Variants in SCRN3 observed in about 807,000 individuals in gnomAD.
SCRN3 encodes the protein secernin-3.
In SCRN3, 39 loss-of-function variants were observed where a neutral mutation model predicts 43.1. That is an observed-to-expected ratio of 0.91 (90% CI 0.70 to 1.18). The LOEUF (loss-of-function observed/expected upper bound fraction) is 1.18, where lower values mean the gene tolerates loss of function less well. Among genes scored for constraint, SCRN3 ranks in the 50% most tolerant of loss-of-function variants. SCRN3 has a pLI of 0.00. For synonymous variants in SCRN3, 147 were observed against 163.1 expected (o/e 0.90, Z 0.75); for missense variants, 484 against 498.0 (o/e 0.97, Z 0.27).
chr2:174,396,309 G>T (rs749630665), intron 1 of SCRN3: 62 of 986,884 alleles, frequency 6.3e-5, no homozygotes, highest in Non-Finnish European at 7.2e-5. Flanking sequence ...ATCTCTCAAG[G>T]CTTCACCTCC....
chr2:174,427,345 TA>T (rs1306328437), intron 7 of SCRN3, among the ~76,000 whole-genome samples: 1 of 152,210 alleles, frequency 6.6e-6, no homozygotes, highest in Non-Finnish European at 1.5e-5. Context: ...ATATTGGTTT[TA>T]AATGTAAAAG....
chr2:174,426,361 A>C (rs1434018217), intron 7 of SCRN3, among the ~76,000 whole-genome samples: 1 of 152,174 alleles, frequency 6.6e-6, no homozygotes, highest in Non-Finnish European at 1.5e-5. Context: ...TTTTTTTCCC[A>C]CTAATATGAA....
rs1480288645 is a variant in SCRN3 at position 174,401,030 on chromosome 2, A to G, written c.382A>G (p.Asn128Asp). ...AGCTGATACAGCTGAAAAAGCCCTCAATGTCATTGTTGACTTACTAGAAAA... is the reference window on the plus strand; with the variant it reads ...AGCTGATACAGCTGAAAAAGCCCTCGATGTCATTGTTGACTTACTAGAAAA... ...ERADTAEKAL[N>D]VIVDLLEKYG... The change falls in exon 4 of 8, where the codon AAT (asparagine) becomes GAT (aspartate). Residue 128 changes from asparagine (N) to aspartate (D), a missense_variant. By Grantham distance (23) the Asn-to-Asp change is conservative. Transcript: ENST00000272732. The G allele has an allele frequency of 1.2e-6, 2 of 1,613,702 alleles. No homozygotes were observed. The highest frequency in any genetic ancestry group is 3.3e-5 in the Admixed American group (2 of 59,898).
chr2:174,398,205 G>A (rs1476719507), intron 1 of SCRN3, 70 bp from the exon 2 acceptor site: 6 of 912,312 alleles, frequency 6.6e-6, no homozygotes, highest in Non-Finnish European at 7.9e-6. Flanking sequence ...TTTGGTCATT[G>A]AGTAAAACTC....
intron 3 of SCRN3, 92 bp from the exon 4 acceptor site, chr2:174,400,898 C>A: frequency 9.1e-7 from 1 of 1,096,456 alleles, no homozygotes; most frequent in Non-Finnish European, 1.3e-6. Flanking sequence ...AGAAATTTTA[C>A]TTTGAATCTA....
intron 5 of SCRN3, among the ~76,000 whole-genome samples, chr2:174,422,185 G>A (rs898144988): frequency 6.6e-6 from 1 of 152,128 alleles, no homozygotes; most frequent in Non-Finnish European, 1.5e-5. Context: ...TGGCACTTTG[G>A]GAGGCTGATG....
chr2:174,426,756 A>G (rs1239736395), intron 7 of SCRN3, among the ~76,000 whole-genome samples: 2 of 151,516 alleles, frequency 1.3e-5, no homozygotes, highest in Non-Finnish European at 2.9e-5. Flanking sequence ...TGGGCGACAG[A>G]ATGAGACTCC....
chr2:174,397,658 T>C (rs549983739), intron 1 of SCRN3, among the ~76,000 whole-genome samples: 2 of 152,260 alleles, frequency 1.3e-5, no homozygotes, highest in South Asian at 4.1e-4. Flanking sequence ...GCAAAGAGAA[T>C]ATAAAGATTA....
intron 5 of SCRN3, among the ~76,000 whole-genome samples, chr2:174,422,266 A>G (rs1686317108): frequency 1.3e-5 from 2 of 152,244 alleles, no homozygotes; most frequent in African/African-American, 4.8e-5. Context: ...ATCTCTACAG[A>G]AAAATTTTAA....
rs182750320 is a variant in SCRN3, at chr2:174,400,884, T to G, written c.342-106T>G. ...TTAGATGTCATTTCATCTGTTAACT[T>G]GGAAGAAATTTTACTTTGAATCTAA... On this transcript the variant is annotated intron_variant, in intron 3 of 7. Coordinates refer to ENST00000272732, the MANE Select transcript of SCRN3 (RefSeq NM_024583.5). 729 of 961,530 alleles carry G rather than the reference T, an allele frequency of 7.6e-4. 3 individuals are homozygous for G. In the Admixed American group the frequency reaches 0.013, roughly 16 times the overall value. The allele number at this position is 961,530 out of a possible 1,614,324, so 59.6% of individuals were successfully genotyped here. A position where few individuals can be genotyped will look rare whatever the true frequency, so the allele number is the denominator to read the frequency against.
At position 174,398,291 on chromosome 2, in the gene SCRN3, C is replaced by G. The variant is rs1194168137; in HGVS notation, c.8C>G (p.Pro3Arg). 1 of 1,565,844 alleles carries G rather than the reference C, an allele frequency of 6.4e-7. No individual in the cohort carries two copies. The highest frequency in any genetic ancestry group is 1.4e-5 in the African/African-American group (1 of 71,686). MEPFSCDTFVALP... is the reference protein window; with the variant it reads MERFSCDTFVALP... Reference sequence around the variant, plus strand: ...AATTTTTAGTTAAAAAAAATGGAACCTTTTTCCTGTGACACTTTCGTGGCA... The same window carrying G: ...AATTTTTAGTTAAAAAAAATGGAACGTTTTTCCTGTGACACTTTCGTGGCA... The change falls in exon 2 of 8, where the codon CCT becomes CGT. Residue 3 changes from proline to arginine, a missense_variant. Physicochemically the swap from Pro to Arg is moderately radical, Grantham distance 103. Transcript: ENST00000272732.
At chr2:174,396,122 C>A in intron 1 of SCRN3, 1 of 967,150 alleles carries the variant, frequency 1.0e-6, no homozygotes, top group Non-Finnish European at 1.3e-6. Context: ...TGCGAGAATC[C>A]AACAATATGA....
intron 7 of SCRN3, among the ~76,000 whole-genome samples, chr2:174,425,743 AT>A (rs1478817977): frequency 2.0e-5 from 3 of 152,172 alleles, no homozygotes; most frequent in Non-Finnish European, 2.9e-5. Context: ...TAAGATGTCG[AT>A]TGACAACTTA....
chr2:174,403,632 A>G (rs561188486), intron 4 of SCRN3, among the ~76,000 whole-genome samples: 10 of 152,320 alleles, frequency 6.6e-5, no homozygotes, highest in South Asian at 4.1e-4. Context: ...TTTATATAAC[A>G]TTCTTGAAAT....
At chr2:174,409,680 C>G (rs979172610) in intron 5 of SCRN3, among the ~76,000 whole-genome samples, 9 of 137,744 alleles carry the variant, frequency 6.5e-5, no homozygotes, top group Non-Finnish European at 9.7e-5. Flanking sequence ...TTCTAACAGA[C>G]AGGACCCTCA....
At chr2:174,411,553 G>A (rs1685917151) in intron 5 of SCRN3, among the ~76,000 whole-genome samples, 1 of 152,098 alleles carries the variant, frequency 6.6e-6, no homozygotes, top group Non-Finnish European at 1.5e-5. Context: ...GGTTCGTTCT[G>A]TATAACTCCC....
At position 174,401,762 on chromosome 2, in the gene SCRN3, T is replaced by A. The variant is rs1353043577; in HGVS notation, c.541+573T>A. On this transcript the variant is annotated intron_variant, in intron 4 of 7. Coordinates refer to ENST00000272732, the MANE Select transcript of SCRN3 (RefSeq NM_024583.5). Reference sequence around the variant, plus strand: ...AGGAAAGCCAGAGATGTAAAGTGATTTAAGGTGGTAAATGAAAGACCTAGA... The same window carrying A: ...AGGAAAGCCAGAGATGTAAAGTGATATAAGGTGGTAAATGAAAGACCTAGA... Among the ~76,000 whole-genome samples the A allele has an allele frequency of 2.6e-5, 4 of 152,318 alleles. No homozygotes were observed. In the East Asian group the frequency reaches 7.7e-4, roughly 29 times the overall value.
intron 5 of SCRN3, 41 bp downstream of exon 5, chr2:174,404,356 A>G: frequency 7.2e-7 from 1 of 1,397,096 alleles, no homozygotes; most frequent in Non-Finnish European, 1.0e-6. Context: ...GACAAACTAC[A>G]TTTTGTGTAG....
chr2:174,422,098 C>A (rs1024742135), intron 5 of SCRN3, among the ~76,000 whole-genome samples: 10 of 152,070 alleles, frequency 6.6e-5, no homozygotes, highest in African/African-American at 9.7e-5. Context: ...TCCAAATCAT[C>A]AGTAACTATA....
Sources: allele counts gnomAD v4.1 joint callset (sites outside exome capture counted in the v4.1 genomes callset), GRCh38; gene constraint gnomAD v4.1.1; transcripts MANE v1.5; gene names NCBI Gene and HGNC (gene_info 2026-07-23, HGNC 2026-07-21).